Variants in FIGNL2 observed in about 807,000 individuals in gnomAD.
FIGNL2 encodes fidgetin like 2.
For synonymous variants in FIGNL2, 565 were observed against 484.0 expected (o/e 1.17, Z -2.20); for missense variants, 1,060 against 950.2 (o/e 1.12, Z -1.52).
intron 1 of FIGNL2, among the ~76,000 whole-genome samples, chr12:51,832,464 T>C (rs1444592601): frequency 6.6e-6 from 1 of 152,040 alleles, no homozygotes; most frequent in African/African-American, 2.4e-5. Flanking sequence ...AACACTCCAC[T>C]ACCTTTGCCT....
Position 51,820,887 on chromosome 12 carries a change from C to T in FIGNL2, c.1527G>A (p.Ala509=). 7.4e-7 allele frequency: 1 copy of T among 1,352,054 alleles called. No homozygotes were observed. The highest frequency in any genetic ancestry group is 9.4e-7 in the Non-Finnish European group (1 of 1,060,570). 83.8% of individuals were successfully genotyped at this position (1,352,054 alleles called of 1,614,324 possible). Reference sequence around the variant, plus strand: ...GGCAGGCCAGGAGCGGCACCTGCAGCGCGCCCCCTGCCGCCGCGCCGTCGT... The same window carrying T: ...GGCAGGCCAGGAGCGGCACCTGCAGTGCGCCCCCTGCCGCCGCGCCGTCGT... ...ARDDGAAAGG[A]LQVPLLACLD... Residue 509 remains alanine (A), a synonymous_variant, in exon 2 of 2, where the codon GCG becomes GCA. Coordinates refer to ENST00000618634, the MANE Select transcript of FIGNL2 (RefSeq NM_001384995.1).
rs1269365001 is a variant in FIGNL2, at chr12:51,822,345, G to A, written c.69C>T (p.Ser23=). ...ACTTGTGGGCCGGCGACGGGGTGGTGGAGGAGACGTCCAGGTGCTGCTCTG... is the reference window on the plus strand; with the variant it reads ...ACTTGTGGGCCGGCGACGGGGTGGTAGAGGAGACGTCCAGGTGCTGCTCTG... ...QWPEQHLDVS[S]TTPSPAHKLE... is the part of the protein sequence containing the mutation. The change falls in exon 2 of 2, where the codon TCC becomes TCT. Residue 23 remains serine, a synonymous_variant. Transcript: ENST00000618634. The A allele has an allele frequency of 1.2e-6, 2 of 1,613,042 alleles. No homozygotes were observed. The highest frequency in any genetic ancestry group is 1.7e-5 in the Admixed American group (1 of 59,958).
rs561403471 is a variant in FIGNL2, at chr12:51,820,625, C to T, written c.1789G>A (p.Glu597Lys). Residue 597 changes from glutamate to lysine, a missense_variant, in exon 2 of 2, where the codon GAG becomes AAG. Physicochemically the swap from Glu to Lys is moderately conservative, Grantham distance 56. Transcript: ENST00000618634. ...GCCTGCTGGCACAGCTGCCCCAGCT[C>T]GCCCCCAGAGAAGCCCTGCGTGCCC... ...VQGTQGFSGG[E>K]LGQLCQQAAA... 1 of 1,525,994 alleles carries T rather than the reference C, an allele frequency of 6.6e-7. No individual in the cohort carries two copies. Among genetic ancestry groups the T allele is most frequent in the African/African-American group, 1.4e-5 (1 of 71,408 alleles). 94.5% of individuals were successfully genotyped at this position (1,525,994 alleles called of 1,614,324 possible). A position where few individuals can be genotyped will look rare whatever the true frequency, so the allele number is the denominator to read the frequency against.
At chr12:51,833,336 G>A (rs762912938) in intron 1 of FIGNL2, among the ~76,000 whole-genome samples, 33 of 152,128 alleles carry the variant, frequency 2.2e-4, no homozygotes, top group Non-Finnish European at 4.3e-4. Context: ...TCCAGGCATG[G>A]GCCACTGTGC....
intron 1 of FIGNL2, among the ~76,000 whole-genome samples, chr12:51,827,947 T>A (rs1939378428): frequency 6.6e-6 from 1 of 152,214 alleles, no homozygotes; most frequent in Non-Finnish European, 1.5e-5. Flanking sequence ...GTCACATGGC[T>A]GTTACAGAGT....
chr12:51,825,783 A>AT (rs1396802932), intron 1 of FIGNL2: 1 of 151,430 alleles, frequency 6.6e-6, no homozygotes, highest in African/African-American at 2.4e-5. Context: ...CGCCCGGCTA[A>AT]TTTTTTGTAT....
In FIGNL2 at chr12:51,821,569, G is replaced by A. The variant is rs761817082; in HGVS notation, c.845C>T (p.Ala282Val). The A allele has an allele frequency of 1.3e-6, 2 of 1,537,648 alleles. No individual in the cohort carries two copies. Among genetic ancestry groups the A allele is most frequent in the South Asian group, 1.2e-5 (1 of 83,714 alleles). The change falls in exon 2 of 2, where the codon GCG becomes GTG. Residue 282 changes from alanine to valine, a missense_variant. Physicochemically the swap from Ala to Val is moderately conservative, Grantham distance 64. Transcript: ENST00000618634. The part of the protein sequence containing the change: ...EGPEGRYRKY[A>V]YEPAKAPVAD... ...CACGGGGGCCTTGGCGGGCTCGTAC[G>A]CGTACTTGCGGTAGCGGCCCTCGGG... is the stretch of plus-strand genomic sequence containing the variant.
chr12:51,825,646 T>C (rs2138978574), intron 1 of FIGNL2, among the ~76,000 whole-genome samples: 1 of 149,678 alleles, frequency 6.7e-6, no homozygotes, highest in South Asian at 2.1e-4. Context: ...AGACGGAGTC[T>C]CGCTCTGTCG....
intron 1 of FIGNL2, among the ~76,000 whole-genome samples, chr12:51,827,484 C>T (rs527550334): frequency 1.1e-3 from 171 of 152,170 alleles, no homozygotes; most frequent in Non-Finnish European, 2.1e-3. Flanking sequence ...CCTCAGCCTA[C>T]CAAAGTGCTG....
At chr12:51,845,948 G>A (rs1198988293) in intron 1 of FIGNL2, among the ~76,000 whole-genome samples, 2 of 151,904 alleles carry the variant, frequency 1.3e-5, no homozygotes, top group African/African-American at 2.4e-5. Flanking sequence ...GTGGGGTAGG[G>A]TCATGGGGAG....
At position 51,845,753 on chromosome 12, in the gene FIGNL2, A is replaced by G. The variant is rs942246146; in HGVS notation, c.-12+2787T>C. 3.9e-6 allele frequency: 3 copies of G among 776,828 alleles called. No homozygotes were observed. The African/African-American group carries it at 5.9e-5, about 15-fold the overall frequency. The allele number at this position is 776,828 out of a possible 1,614,324, so 48.1% of individuals were successfully genotyped here. A position where few individuals can be genotyped will look rare whatever the true frequency, so the allele number is the denominator to read the frequency against. On this transcript the variant is annotated intron_variant, in intron 1 of 1. Coordinates refer to ENST00000618634, the MANE Select transcript of FIGNL2 (RefSeq NM_001384995.1). ...GGGAAGGCAGGGCTCCTAAGGGTCC[A>G]GCAATGGCAGCAGTCGGAGCTTGGG...
At position 51,820,688 on chromosome 12, in the gene FIGNL2, A is replaced by C; in HGVS notation, c.1726T>G (p.Cys576Gly). ...GCCAGTTCCCGCTCACTGAGCGCGC[A>C]GCCCTGCTGGGCCAGCGCCCGCTGC... ...ILQRALAQQG[C>G]ALSERELAAL... The change falls in exon 2 of 2, where the codon TGC becomes GGC. Residue 576 changes from cysteine (C) to glycine (G), a missense_variant. Transcript: ENST00000618634. 2 of 1,500,272 alleles carry C rather than the reference A, an allele frequency of 1.3e-6. No homozygotes were observed. The highest frequency in any genetic ancestry group is 1.8e-6 in the Non-Finnish European group (2 of 1,133,304). The allele number at this position is 1,500,272 out of a possible 1,614,324, so 92.9% of individuals were successfully genotyped here.
At chr12:51,835,653 G>A (rs931360495) in intron 1 of FIGNL2, among the ~76,000 whole-genome samples, 11 of 149,684 alleles carry the variant, frequency 7.3e-5, no homozygotes, top group Non-Finnish European at 1.0e-4. Flanking sequence ...TTCAACAACC[G>A]TATGTGGAAG....
At chr12:51,839,210 G>C (rs1008372675) in intron 1 of FIGNL2, among the ~76,000 whole-genome samples, 1 of 152,156 alleles carries the variant, frequency 6.6e-6, no homozygotes, top group Non-Finnish European at 1.5e-5. Flanking sequence ...TAAGAGGAGA[G>C]GTAGGAATCT....
chr12:51,842,633 G>T (rs1939681641), intron 1 of FIGNL2, among the ~76,000 whole-genome samples: 1 of 152,054 alleles, frequency 6.6e-6, no homozygotes, highest in African/African-American at 2.4e-5. Flanking sequence ...GTCTCACTTT[G>T]CTTCTAATGC....
rs1449502465 is a variant in FIGNL2 at position 51,820,663 on chromosome 12, G to C, written c.1751C>G (p.Ala584Gly). Residue 584 changes from alanine to glycine, a missense_variant, in exon 2 of 2, where the codon GCG becomes GGG. Coordinates refer to ENST00000618634, the MANE Select transcript of FIGNL2 (RefSeq NM_001384995.1). ...GCCCTGCGTGCCCTGCACCAGCGCC[G>C]CCAGTTCCCGCTCACTGAGCGCGCA... ...QGCALSEREL[A>G]ALVQGTQGFS... is the part of the protein sequence containing the mutation. 1 of 1,514,580 alleles carries C rather than the reference G, an allele frequency of 6.6e-7. No homozygotes were observed. Among genetic ancestry groups the C allele is most frequent in the African/African-American group, 1.4e-5 (1 of 69,478 alleles). The allele number at this position is 1,514,580 out of a possible 1,614,324, so 93.8% of individuals were successfully genotyped here. A position where few individuals can be genotyped will look rare whatever the true frequency, so the allele number is the denominator to read the frequency against.
At chr12:51,822,904 G>A (rs908886341) in intron 1 of FIGNL2, among the ~76,000 whole-genome samples, 5 of 152,220 alleles carry the variant, frequency 3.3e-5, no homozygotes, top group Admixed American at 6.5e-5. Flanking sequence ...GTTGTATGAG[G>A]CCTGCCCAGA....
At chr12:51,841,819 G>C (rs1240392917) in intron 1 of FIGNL2, 7 of 152,262 alleles carry the variant, frequency 4.6e-5, no homozygotes, top group African/African-American at 1.7e-4. Flanking sequence ...CTGAAGACCA[G>C]ATCTCTGCAC....
At position 51,821,278 on chromosome 12, in the gene FIGNL2, G is replaced by C; in HGVS notation, c.1136C>G (p.Thr379Arg). 2 of 1,524,380 alleles carry C rather than the reference G, an allele frequency of 1.3e-6. No individual in the cohort carries two copies. Among genetic ancestry groups the C allele is most frequent in the Non-Finnish European group, 1.8e-6 (2 of 1,141,680 alleles). 94.4% of individuals were successfully genotyped at this position (1,524,380 alleles called of 1,614,324 possible). A position where few individuals can be genotyped will look rare whatever the true frequency, so the allele number is the denominator to read the frequency against. ...GGGCCCGCAGTCCACCATCTTGCTC[G>C]TCACCAGCTCCAGGGCCCCAGGGTC... ...GVDPGALELV[T>R]SKMVDCGPPV... The change falls in exon 2 of 2, where the codon ACG (threonine) becomes AGG (arginine). Residue 379 changes from threonine (T) to arginine (R), a missense_variant. Coordinates refer to ENST00000618634, the MANE Select transcript of FIGNL2 (RefSeq NM_001384995.1).
Sources: allele counts gnomAD v4.1 joint callset (sites outside exome capture counted in the v4.1 genomes callset), GRCh38; gene constraint gnomAD v4.1.1; transcripts MANE v1.5; gene names NCBI Gene and HGNC (gene_info 2026-07-23, HGNC 2026-07-21).